Variants in GPHN observed in about 807,000 individuals in gnomAD.
GPHN encodes gephyrin.
GPHN carries 17 observed loss-of-function variants against 95.5 expected under a neutral mutation model. The observed-to-expected ratio is 0.18, with a 90% CI of 0.12 to 0.27. The LOEUF is 0.27. Ranked by LOEUF, GPHN falls within the 10% of genes least tolerant of loss-of-function variation. The pLI is 1.00. For missense variants in GPHN, 660 were observed against 978.1 expected (o/e 0.67, Z 4.34); for synonymous variants, 320 against 322.5 (o/e 0.99, Z 0.08).
chr14:66,569,749 A>G (rs1168884319), intron 1 of GPHN, among the ~76,000 whole-genome samples: 2 of 151,990 alleles, frequency 1.3e-5, no homozygotes, highest in Non-Finnish European at 2.9e-5. Context: ...ATATAGTGGA[A>G]TGTCTAAATG....
intron 2 of GPHN, among the ~76,000 whole-genome samples, chr14:66,731,041 GCT>G (rs1413589507): frequency 6.6e-6 from 1 of 152,108 alleles, no homozygotes; most frequent in African/African-American, 2.4e-5. Flanking sequence ...GCTCTTGCTG[GCT>G]CTCTCTTGCC....
intron 4 of GPHN, among the ~76,000 whole-genome samples, chr14:66,835,313 G>C (rs1475598479): frequency 6.6e-6 from 1 of 150,864 alleles, no homozygotes; most frequent in Non-Finnish European, 1.5e-5. Context: ...GAATGTGTTT[G>C]CTCTTGCTTT....
the GPHN span, chr14:67,454,617 G>A: frequency 6.6e-6 from 1 of 152,210 alleles, no homozygotes; most frequent in Non-Finnish European, 1.5e-5. Flanking sequence ...TTAGGGACTG[G>A]AGGTATAGGA....
At chr14:67,367,937 C>T in the GPHN span, among the ~76,000 whole-genome samples, 5 of 152,040 alleles carry the variant, frequency 3.3e-5, no homozygotes, top group East Asian at 9.7e-4. Context: ...TATTTTTGCC[C>T]TTCTTAGTTT....
At chr14:67,661,286 AAAAAAAAAAAAAAGTTTTTTTTTTTT>A in the GPHN span, among the ~76,000 whole-genome samples, 1 of 148,602 alleles carries the variant, frequency 6.7e-6, no homozygotes, top group East Asian at 2.0e-4. Context: ...AGCAAAAAAA[AAAAAAAAAAAAAAGTTTTTTTTTTTT>A]AAAGAAAAGC....
chr14:67,432,518 C>T, the GPHN span, among the ~76,000 whole-genome samples: 1 of 152,214 alleles, frequency 6.6e-6, no homozygotes, highest in Non-Finnish European at 1.5e-5. Flanking sequence ...GACACGTTTA[C>T]AAGGACACCT....
chr14:66,864,913 C>T (rs1322675689), intron 4 of GPHN, among the ~76,000 whole-genome samples: 1 of 152,166 alleles, frequency 6.6e-6, no homozygotes, highest in Admixed American at 6.5e-5. Context: ...TGTACATCTA[C>T]ACAATGGAAT....
the GPHN span, among the ~76,000 whole-genome samples, chr14:67,441,091 A>G: frequency 3.9e-5 from 6 of 152,174 alleles, no homozygotes; most frequent in Admixed American, 2.6e-4. Context: ...TGAATATACT[A>G]TGGAGTAGAA....
the GPHN span, chr14:67,383,663 T>A: frequency 2.0e-6 from 1 of 490,442 alleles, no homozygotes; most frequent in Non-Finnish European, 3.6e-6. Context: ...GGGAGTGGCC[T>A]CATTTCACTA....
At chr14:66,939,560 C>G (rs138473234) in intron 8 of GPHN, among the ~76,000 whole-genome samples, 14 of 152,032 alleles carry the variant, frequency 9.2e-5, no homozygotes, top group Non-Finnish European at 1.8e-4. Flanking sequence ...CCACCCCACA[C>G]GCAAGCTGAA....
At chr14:66,509,288 T>C (rs1418976952) in intron 1 of GPHN, 1 of 134,438 alleles carries the variant, frequency 7.4e-6, no homozygotes, top group African/African-American at 3.6e-5. Context: ...GAGGACGGGC[T>C]GCAGCCTGCT....
rs574427432 is a variant in GPHN at position 66,508,268 on chromosome 14, C to A, written c.-260C>A. The A allele has an allele frequency of 1.9e-5, 11 of 573,308 alleles. No homozygotes were observed. Among genetic ancestry groups the A allele is most frequent in the Non-Finnish European group, 3.4e-5 (11 of 320,666 alleles). The allele number at this position is 573,308 out of a possible 1,614,324, so 35.5% of individuals were successfully genotyped here. A position where few individuals can be genotyped will look rare whatever the true frequency, so the allele number is the denominator to read the frequency against. ...CTCCCCGTGCGGCCACCGCGCCCCC[C>A]AAGCTTGCCTCCTTCTTGCCGGACT... is the stretch of plus-strand genomic sequence containing the variant. On this transcript the variant is annotated 5_prime_UTR_variant, in exon 1 of 23. Coordinates refer to ENST00000478722, the MANE Select transcript of GPHN (RefSeq NM_020806.5).
chr14:66,773,884 C>G (rs2059276459), intron 2 of GPHN, among the ~76,000 whole-genome samples: 1 of 150,490 alleles, frequency 6.6e-6, no homozygotes, highest in South Asian at 2.1e-4. Flanking sequence ...GAAGTCAGTT[C>G]TAAATATTGT....
At chr14:67,200,112 GC>G in the GPHN span, 18 of 1,044,848 alleles carry the variant, frequency 1.7e-5, no homozygotes, top group East Asian at 4.9e-5. Flanking sequence ...CAATGGGCAT[GC>G]CCCCCCGAAG....
intron 3 of GPHN, among the ~76,000 whole-genome samples, chr14:66,786,502 A>C (rs2059780732): frequency 6.6e-6 from 1 of 152,086 alleles, no homozygotes; most frequent in African/African-American, 2.4e-5. Context: ...ATCTCCTCCA[A>C]AAAAATAAAA....
chr14:66,655,489 G>A (rs1290822045), intron 1 of GPHN, among the ~76,000 whole-genome samples: 5 of 151,888 alleles, frequency 3.3e-5, no homozygotes, highest in South Asian at 4.1e-4. Flanking sequence ...CTTATTCTAG[G>A]AGTTTTTTCT....
intron 1 of GPHN, among the ~76,000 whole-genome samples, chr14:66,567,090 T>C (rs1219869692): frequency 6.6e-6 from 1 of 152,152 alleles, no homozygotes; most frequent in Non-Finnish European, 1.5e-5. Flanking sequence ...CAGAATTCTG[T>C]CATTTAACAT....
intron 9 of GPHN, among the ~76,000 whole-genome samples, chr14:67,010,596 T>A (rs1366540773): frequency 6.8e-6 from 1 of 147,902 alleles, no homozygotes; most frequent in Non-Finnish European, 1.5e-5. Flanking sequence ...TAAAGAAACA[T>A]ATGTAAAACA....
chr14:67,429,119 A>C, the GPHN span, among the ~76,000 whole-genome samples: 1 of 152,202 alleles, frequency 6.6e-6, no homozygotes, highest in Admixed American at 6.5e-5. Flanking sequence ...GCTGGGCTGA[A>C]GCCATGACTA....
Sources: gnomAD v4.1 joint callset for allele counts (sites outside exome capture counted in the v4.1 genomes callset) on GRCh38, gnomAD v4.1.1 for gene constraint, MANE v1.5 for transcripts, NCBI Gene and HGNC (gene_info 2026-07-23, HGNC 2026-07-21) for gene names.